Variants in TPST2 observed in about 807,000 individuals in gnomAD.
The protein encoded by TPST2 is protein-tyrosine sulfotransferase 2.
A neutral mutation model predicts 27.8 loss-of-function variants in TPST2; 16 were observed. The ratio of observed to expected loss-of-function variants is 0.58; its 90% CI spans 0.39 to 0.88. The LOEUF is 0.88. Among genes scored for constraint, TPST2 ranks in the 40% least tolerant of loss-of-function variants. The pLI is 0.00. For missense variants in TPST2, 464 were observed against 543.1 expected (o/e 0.85, Z 1.45); for synonymous variants, 229 against 231.7 (o/e 0.99, Z 0.10).
intron 5 of TPST2, among the ~76,000 whole-genome samples, chr22:26,529,686 C>T (rs117956650): frequency 0.018 from 2,683 of 152,268 alleles, 49 homozygotes; most frequent in East Asian, 0.089. Context: ...ATCCCCCATA[C>T]CTCACCCTAC....
At chr22:26,588,721 A>G (rs992176175) in intron 1 of TPST2, among the ~76,000 whole-genome samples, 1 of 152,184 alleles carries the variant, frequency 6.6e-6, no homozygotes, top group East Asian at 1.9e-4. Flanking sequence ...ACAGTTATGG[A>G]AACTGAGACT....
At chr22:26,526,796 G>C (rs1435199460) in intron 6 of TPST2, among the ~76,000 whole-genome samples, 2 of 152,214 alleles carry the variant, frequency 1.3e-5, no homozygotes, top group African/African-American at 4.8e-5. Context: ...ATGGGATCTT[G>C]GGTAGGTGTG....
chr22:26,588,397 T>G (rs115084854), intron 1 of TPST2, among the ~76,000 whole-genome samples: 1 of 152,138 alleles, frequency 6.6e-6, no homozygotes, highest in South Asian at 2.1e-4. Context: ...GAAGAAAGGA[T>G]TGGGGAGTGA....
At chr22:26,575,889 AG>A in intron 1 of TPST2, among the ~76,000 whole-genome samples, 1 of 152,046 alleles carries the variant, frequency 6.6e-6, no homozygotes, top group Non-Finnish European at 1.5e-5. Flanking sequence ...CCAGCTACTG[AG>A]GAGGCTGAGG....
At chr22:26,552,261 C>T (rs1161528139) in intron 1 of TPST2, among the ~76,000 whole-genome samples, 1 of 152,112 alleles carries the variant, frequency 6.6e-6, no homozygotes, top group Admixed American at 6.6e-5. Flanking sequence ...ACGCGTGGTC[C>T]GGTCAGGTGG....
chr22:26,530,096 G>T (rs572251840), intron 5 of TPST2, among the ~76,000 whole-genome samples: 1 of 152,276 alleles, frequency 6.6e-6, no homozygotes, highest in South Asian at 2.1e-4. Flanking sequence ...TCCACAAACT[G>T]AAACTTCTCA....
chr22:26,545,898 G>C (rs989697308), intron 1 of TPST2, among the ~76,000 whole-genome samples: 13 of 152,006 alleles, frequency 8.6e-5, no homozygotes, highest in Non-Finnish European at 1.8e-4. Flanking sequence ...TGGGCAATAT[G>C]GGGAGACCCA....
intron 1 of TPST2, among the ~76,000 whole-genome samples, chr22:26,551,872 CTTTTCTTTTTCTTT>C (rs576092292): frequency 0.059 from 7,000 of 119,000 alleles, 224 homozygotes; most frequent in East Asian, 0.16. Flanking sequence ...TTTTCCTTTT[CTTTTCTTTTTCTTT>C]TTTTTTTTTT....
intron 1 of TPST2, 101 bp from the exon 2 acceptor site, chr22:26,544,776 GA>G: frequency 8.5e-6 from 5 of 591,014 alleles, no homozygotes; most frequent in Non-Finnish European, 1.1e-5. Flanking sequence ...AAGAGCACTG[GA>G]CAGTGACATT....
At chr22:26,532,576 C>T (rs1396899704) in intron 5 of TPST2, 119 bp downstream of exon 5, 1 of 1,177,668 alleles carries the variant, frequency 8.5e-7, no homozygotes, top group Non-Finnish European at 1.2e-6. Flanking sequence ...TCACATCCCC[C>T]TTTTTATAAT....
At chr22:26,556,770 G>A (rs747905003) in intron 1 of TPST2, among the ~76,000 whole-genome samples, 13 of 152,168 alleles carry the variant, frequency 8.5e-5, no homozygotes, top group Non-Finnish European at 1.9e-4. Context: ...GGGCCAGGGA[G>A]CCATGGTCCT....
intron 1 of TPST2, among the ~76,000 whole-genome samples, chr22:26,589,405 T>A (rs1296261381): frequency 6.6e-6 from 1 of 151,852 alleles, no homozygotes; most frequent in African/African-American, 2.4e-5. Context: ...GTCCCGGCTT[T>A]CCGGGCACCT....
chr22:26,585,333 C>T (rs1199982700), intron 1 of TPST2, among the ~76,000 whole-genome samples: 1 of 87,248 alleles, frequency 1.1e-5, no homozygotes, highest in Admixed American at 1.4e-4. Context: ...CCCAGACGTT[C>T]CCTAGGGCCT....
chr22:26,576,506 G>A (rs1175646618), intron 1 of TPST2, among the ~76,000 whole-genome samples: 3 of 151,986 alleles, frequency 2.0e-5, no homozygotes, highest in Admixed American at 6.6e-5. Context: ...ATTTTAACAC[G>A]TGCAGAAGTT....
intron 1 of TPST2, among the ~76,000 whole-genome samples, chr22:26,557,030 C>T (rs930616684): frequency 2.0e-5 from 3 of 152,226 alleles, no homozygotes; most frequent in African/African-American, 4.8e-5. Flanking sequence ...ACCCAGCCTG[C>T]GGCTATCAAC....
chr22:26,555,744 C>T (rs1926760276), intron 1 of TPST2, among the ~76,000 whole-genome samples: 1 of 152,226 alleles, frequency 6.6e-6, no homozygotes, highest in African/African-American at 2.4e-5. Flanking sequence ...GTGTCACGTC[C>T]TGCCCAGAAG....
Position 26,536,431 on chromosome 22 carries a change from T to C in TPST2, c.898A>G (p.Lys300Glu), listed in dbSNP as rs199612116. Residue 300 changes from lysine to glutamate, a missense_variant, in exon 4 of 7, where the codon AAG becomes GAG. Physicochemically the swap from Lys to Glu is moderately conservative, Grantham distance 56 (BLOSUM62 1). Transcript: ENST00000338754. Reference sequence around the variant, plus strand: ...TCCCCAGGGATGTGGCCAGTCCACTTGGAGAGCGCTTCCAGGTTAACAGGC... The same window carrying C: ...TCCCCAGGGATGTGGCCAGTCCACTCGGAGAGCGCTTCCAGGTTAACAGGC... ...IKPVNLEALS[K>E]WTGHIPGDVV... is the part of the protein sequence containing the mutation. The C allele has an allele frequency of 6.4e-7, 1 of 1,567,268 alleles. No individual in the cohort carries two copies.
At chr22:26,582,928 G>A (rs1430892563) in intron 1 of TPST2, among the ~76,000 whole-genome samples, 2 of 151,866 alleles carry the variant, frequency 1.3e-5, no homozygotes, top group Non-Finnish European at 2.9e-5. Flanking sequence ...AAGGTGGCAC[G>A]GCACCCTAGC....
In TPST2 at chr22:26,562,032, GGCTGGTGAACACCAA is replaced by G. The variant is rs71708852; in HGVS notation, c.-160-17372_-160-17358del. Among the ~76,000 whole-genome samples the G allele has an allele frequency of 5.0e-3, 764 of 152,326 alleles. 4 individuals are homozygous for G. The highest frequency in any genetic ancestry group is 0.017 in the African/African-American group (692 of 41,576). Reference sequence around the variant, plus strand: ...TTGTTTGCTTCCTGGGTGCCAGCCGGGCTGGTGAACACCAAGCAGTCAACAAGCTGGGGGACTTGA... The same window carrying G: ...TTGTTTGCTTCCTGGGTGCCAGCCGGGCAGTCAACAAGCTGGGGGACTTGA... On this transcript the variant is annotated intron_variant, in intron 1 of 6. Transcript: ENST00000338754.
Sources: allele counts gnomAD v4.1 joint callset (sites outside exome capture counted in the v4.1 genomes callset), GRCh38; gene constraint gnomAD v4.1.1; transcripts MANE v1.5; gene names NCBI Gene and HGNC (gene_info 2026-07-23, HGNC 2026-07-21).